The following TESC variants were observed in gnomAD, a reference collection of about 807,000 sequenced individuals.
TESC encodes the protein calcineurin B homologous protein 3.
In TESC, 19 loss-of-function variants were observed where a neutral mutation model predicts 31.0. The ratio of observed to expected loss-of-function variants is 0.61; its 90% CI spans 0.43 to 0.90. TESC has a LOEUF of 0.90. Among genes scored for constraint, TESC ranks in the 40% least tolerant of loss-of-function variants. The pLI is 0.00. For missense variants in TESC, 248 were observed against 303.8 expected (o/e 0.82, Z 1.36); for synonymous variants, 109 against 114.8 (o/e 0.95, Z 0.32).
Position 117,038,967 on chromosome 12 carries a change from G to A in TESC, c.*166C>T, listed in dbSNP as rs865823874. ...TTTTTTTTTATTGGAGATAAAAACA[G>A]CGAAGTCCCACATACCATACCCTAC... is the stretch of plus-strand genomic sequence containing the variant. On this transcript the variant is annotated 3_prime_UTR_variant, in exon 8 of 8. Coordinates refer to ENST00000335209, the MANE Select transcript of TESC (RefSeq NM_017899.4). The A allele has an allele frequency of 1.8e-5, 10 of 561,272 alleles. No individual in the cohort carries two copies. In the Middle Eastern group the frequency reaches 2.3e-3, roughly 132 times the overall value. 34.8% of individuals were successfully genotyped at this position (561,272 alleles called of 1,614,324 possible).
chr12:117,048,890 C>T, intron 4 of TESC, 129 bp downstream of exon 4: 2 of 1,457,318 alleles, frequency 1.4e-6, no homozygotes, highest in East Asian at 2.4e-5. Context: ...GGCTGGTGGC[C>T]CCAAGCCCTC....
At chr12:117,043,584 C>A (rs1954516130) in intron 6 of TESC, among the ~76,000 whole-genome samples, 1 of 152,138 alleles carries the variant, frequency 6.6e-6, no homozygotes, top group Admixed American at 6.5e-5. Context: ...CTCAGACTCC[C>A]AAGTAGCTGG....
intron 3 of TESC, among the ~76,000 whole-genome samples, chr12:117,049,366 C>T (rs377645691): frequency 2.0e-5 from 3 of 152,218 alleles, no homozygotes; most frequent in Non-Finnish European, 4.4e-5. Flanking sequence ...CCTGCCCTCA[C>T]GGAGCTCATC....
chr12:117,053,349 CCT>C (rs1395157164), intron 3 of TESC, among the ~76,000 whole-genome samples: 1 of 152,186 alleles, frequency 6.6e-6, no homozygotes, highest in Non-Finnish European at 1.5e-5. Context: ...TTCCCCACAC[CCT>C]GTCTCCTGGA....
At chr12:117,046,927 A>G (rs1194499671) in intron 4 of TESC, 89 bp from the exon 5 acceptor site, 2 of 1,380,750 alleles carry the variant, frequency 1.4e-6, no homozygotes, top group South Asian at 1.2e-5. Context: ...AGCAAAAGAC[A>G]CCAATAACCA....
At chr12:117,060,723 T>C (rs1954790836) in intron 2 of TESC, among the ~76,000 whole-genome samples, 2 of 151,818 alleles carry the variant, frequency 1.3e-5, no homozygotes, top group African/African-American at 4.8e-5. Context: ...CATGGAAGAG[T>C]CAGCTTGGAA....
At chr12:117,044,774 G>GT (rs1489267200) in intron 6 of TESC, among the ~76,000 whole-genome samples, 1 of 152,208 alleles carries the variant, frequency 6.6e-6, no homozygotes. Flanking sequence ...GCACACGCCT[G>GT]TAATTCCAGC....
At chr12:117,060,665 C>T (rs895352039) in intron 2 of TESC, among the ~76,000 whole-genome samples, 2 of 152,208 alleles carry the variant, frequency 1.3e-5, no homozygotes, top group Non-Finnish European at 2.9e-5. Context: ...ACGCTTCAGG[C>T]TCAGCACAGA....
intron 6 of TESC, among the ~76,000 whole-genome samples, chr12:117,043,824 C>T (rs1954519421): frequency 6.6e-6 from 1 of 152,196 alleles, no homozygotes. Context: ...TAGTCTCTCT[C>T]CTGTATTACA....
chr12:117,050,154 C>T (rs1954627557), intron 3 of TESC, among the ~76,000 whole-genome samples: 1 of 151,508 alleles, frequency 6.6e-6, no homozygotes, highest in African/African-American at 2.4e-5. Context: ...AAAAAAAAGT[C>T]GAATAGTATT....
At chr12:117,054,614 G>C (rs1239667907) in intron 3 of TESC, among the ~76,000 whole-genome samples, 1 of 152,124 alleles carries the variant, frequency 6.6e-6, no homozygotes, top group Non-Finnish European at 1.5e-5. Flanking sequence ...GCAACTCCAG[G>C]GGCAGCTGAA....
intron 1 of TESC, among the ~76,000 whole-genome samples, chr12:117,081,914 A>G (rs557445270): frequency 2.2e-4 from 34 of 151,792 alleles, no homozygotes; most frequent in Non-Finnish European, 4.4e-4. Flanking sequence ...TCAAAAAGAA[A>G]AAAAAAGAAA....
At chr12:117,082,481 G>T (rs1302387076) in intron 1 of TESC, among the ~76,000 whole-genome samples, 3 of 150,960 alleles carry the variant, frequency 2.0e-5, no homozygotes, top group African/African-American at 4.9e-5. Context: ...CAGCCGGGGG[G>T]ACAAGAGTGA....
intron 3 of TESC, among the ~76,000 whole-genome samples, chr12:117,049,678 A>G (rs1410906024): frequency 2.0e-5 from 3 of 152,058 alleles, no homozygotes; most frequent in Non-Finnish European, 4.4e-5. Context: ...AGGTGGGCAG[A>G]TCACCTGAGG....
intron 2 of TESC, among the ~76,000 whole-genome samples, chr12:117,060,657 G>A (rs1055132184): frequency 7.9e-5 from 12 of 152,134 alleles, no homozygotes; most frequent in Admixed American, 2.6e-4. Context: ...TATCCACGAC[G>A]CTTCAGGCTC....
chr12:117,062,937 C>T (rs2135769343), intron 2 of TESC, among the ~76,000 whole-genome samples: 1 of 152,290 alleles, frequency 6.6e-6, no homozygotes, highest in Non-Finnish European at 1.5e-5. Flanking sequence ...GGTGTTGCCC[C>T]AGTGACCATC....
chr12:117,075,839 G>GTGTGTGTGTGTATATATATATATATATA lies in TESC; in HGVS notation c.59-500_59-499insTATATATATATATATATACACACACACA, dbSNP rs1565971282. Among the ~76,000 whole-genome samples the GTGTGTGTGTGTATATATATATATATATA allele has an allele frequency of 1.3e-4, 6 of 45,804 alleles. 1 individual carries two copies. Among genetic ancestry groups the GTGTGTGTGTGTATATATATATATATATA allele is most frequent in the African/African-American group, 2.7e-4 (3 of 11,192 alleles). 30.0% of individuals were successfully genotyped at this position (45,804 alleles called of 152,430 possible). ...GTCACCATGCCCGGCTAATTTTCGTGTGTGTGTGTATATATATATATATAT... is the reference window on the plus strand; with the variant it reads ...GTCACCATGCCCGGCTAATTTTCGTGTGTGTGTGTGTATATATATATATATATATGTGTGTGTATATATATATATATAT... On this transcript the variant is annotated intron_variant, in intron 1 of 7. Transcript: ENST00000335209.
intron 1 of TESC, among the ~76,000 whole-genome samples, chr12:117,081,313 A>AT (rs894987539): frequency 4.8e-4 from 73 of 152,356 alleles, no homozygotes; most frequent in African/African-American, 1.7e-3. Flanking sequence ...AAAAATGATC[A>AT]TTTTTAAATA....
chr12:117,054,317 T>C (rs772782931), intron 3 of TESC, among the ~76,000 whole-genome samples: 8 of 149,452 alleles, frequency 5.4e-5, no homozygotes, highest in African/African-American at 7.4e-5. Flanking sequence ...ACCCACCCCC[T>C]CACACCCTCA....
Sources: allele counts gnomAD v4.1 joint callset (sites outside exome capture counted in the v4.1 genomes callset), GRCh38; gene constraint gnomAD v4.1.1; transcripts MANE v1.5; gene names NCBI Gene and HGNC (gene_info 2026-07-23, HGNC 2026-07-21).